The following TTC27 variants were observed in gnomAD, a reference collection of about 807,000 sequenced individuals.
TTC27 encodes the protein tetratricopeptide repeat protein 27.
Under a neutral mutation model 115.9 loss-of-function variants are expected in TTC27, and 79 were observed. The ratio of observed to expected loss-of-function variants is 0.68; its 90% CI spans 0.57 to 0.82. The LOEUF (loss-of-function observed/expected upper bound fraction) is 0.82, where lower values mean the gene tolerates loss of function less well. TTC27 is among the 40% of genes least tolerant of loss of function. TTC27 has a pLI of 0.00. For missense variants in TTC27, 1,054 were observed against 993.1 expected (o/e 1.06, Z -0.82); for synonymous variants, 401 against 356.0 (o/e 1.13, Z -1.42).
intron 4 of TTC27, among the ~76,000 whole-genome samples, chr2:32,649,177 AGGAG>A (rs112493270): frequency 0.012 from 1,805 of 152,304 alleles, 29 homozygotes; most frequent in African/African-American, 0.041. Flanking sequence ...CCACACTAGC[AGGAG>A]AAGACTGTAA....
At chr2:32,803,418 G>A (rs1671025680) in intron 16 of TTC27, among the ~76,000 whole-genome samples, 1 of 152,188 alleles carries the variant, frequency 6.6e-6, no homozygotes, top group Non-Finnish European at 1.5e-5. Flanking sequence ...ATAGTAGGAT[G>A]TGGAAGAAAA....
rs369087820 is a variant in TTC27 at position 32,646,350 on chromosome 2, G to T, written c.538-3781G>T. On this transcript the variant is annotated intron_variant, in intron 4 of 19. Coordinates refer to ENST00000317907, the MANE Select transcript of TTC27 (RefSeq NM_017735.5). ...GCTCAATTTTTTAAGTTTTATTTTT[G>T]TAGAGATGGGATCTCACTGCATTGC... is the stretch of plus-strand genomic sequence containing the variant. 2.3e-3 allele frequency among the ~76,000 whole-genome samples: 355 copies of T among 151,838 alleles called. 1 individual carries two copies. The highest frequency in any genetic ancestry group is 8.2e-3 in the African/African-American group (338 of 41,412).
intron 9 of TTC27, among the ~76,000 whole-genome samples, chr2:32,686,864 A>G (rs1347584303): frequency 6.6e-6 from 1 of 152,040 alleles, no homozygotes; most frequent in Non-Finnish European, 1.5e-5. Flanking sequence ...TGTGTGTGTG[A>G]GATGGAGTCT....
At position 32,678,867 on chromosome 2, in the gene TTC27, A is replaced by G. The variant is rs765071951; in HGVS notation, c.1064A>G (p.Gln355Arg). 1.9e-6 allele frequency: 3 copies of G among 1,610,244 alleles called. No homozygotes were observed. The highest frequency in any genetic ancestry group is 2.5e-6 in the Non-Finnish European group (3 of 1,178,068). ...AIILGICTNFQKNNPVHTLTE... is the reference protein window; with the variant it reads ...AIILGICTNFRKNNPVHTLTE... The stretch of plus-strand genomic sequence containing the variant: ...TTCTTAATTTAAAGCACTAATTTTC[A>G]AAAGAATAACCCAGTGCACACATTA... The change falls in exon 9 of 20, where the codon CAA becomes CGA. Residue 355 changes from glutamine to arginine, a missense_variant. Physicochemically the swap from Gln to Arg is conservative, Grantham distance 43. Transcript: ENST00000317907.
At chr2:32,683,076 C>T (rs1231730106) in intron 9 of TTC27, among the ~76,000 whole-genome samples, 1 of 151,708 alleles carries the variant, frequency 6.6e-6, no homozygotes, top group Non-Finnish European at 1.5e-5. Flanking sequence ...AGGATGGTCT[C>T]GATCTCCTGA....
intron 14 of TTC27, chr2:32,780,055 T>G: frequency 2.2e-6 from 1 of 464,014 alleles, no homozygotes. Flanking sequence ...TGACTATAGG[T>G]CTGTGCATAT....
intron 16 of TTC27, among the ~76,000 whole-genome samples, chr2:32,806,792 A>G (rs1671146607): frequency 6.6e-6 from 1 of 152,116 alleles, no homozygotes; most frequent in Admixed American, 6.5e-5. Context: ...GAAAAAAAAA[A>G]AGTTGATATC....
chr2:32,724,258 C>T (rs1397103393), intron 10 of TTC27, among the ~76,000 whole-genome samples: 1 of 152,076 alleles, frequency 6.6e-6, no homozygotes, highest in Non-Finnish European at 1.5e-5. Context: ...TTGTGGATCC[C>T]TGGGAGTCCT....
At chr2:32,641,282 C>T (rs956616196) in intron 4 of TTC27, among the ~76,000 whole-genome samples, 1 of 152,144 alleles carries the variant, frequency 6.6e-6, no homozygotes, top group Admixed American at 6.6e-5. Context: ...GGTTGTCAGC[C>T]ACGCAGTGTG....
intron 4 of TTC27, among the ~76,000 whole-genome samples, chr2:32,648,745 T>G (rs1664966611): frequency 6.6e-6 from 1 of 152,154 alleles, no homozygotes; most frequent in Non-Finnish European, 1.5e-5. Context: ...GTGCAGTGCC[T>G]CACATCTGTA....
At chr2:32,766,461 G>A (rs1176911663) in intron 13 of TTC27, 1 of 451,210 alleles carries the variant, frequency 2.2e-6, no homozygotes, top group Admixed American at 2.4e-5. Flanking sequence ...ATATTGTTGT[G>A]TCTTAGGGAA....
chr2:32,701,336 A>G (rs967856925), intron 9 of TTC27, among the ~76,000 whole-genome samples: 4 of 152,244 alleles, frequency 2.6e-5, no homozygotes, highest in Admixed American at 2.6e-4. Flanking sequence ...TTTCTTTGGT[A>G]GTATCATCCA....
At chr2:32,660,086 G>T (rs1007033041) in intron 5 of TTC27, among the ~76,000 whole-genome samples, 2 of 152,096 alleles carry the variant, frequency 1.3e-5, no homozygotes, top group African/African-American at 4.8e-5. Context: ...TTGAAGAATC[G>T]CCACACTGTG....
chr2:32,757,364 C>G (rs1459182463), intron 12 of TTC27, among the ~76,000 whole-genome samples: 1 of 152,216 alleles, frequency 6.6e-6, no homozygotes, highest in Non-Finnish European at 1.5e-5. Context: ...GTAAACCTCT[C>G]TTCGGTGCCT....
At chr2:32,672,152 T>C (rs1414162926) in intron 7 of TTC27, 120 bp from the exon 8 acceptor site, 2 of 648,888 alleles carry the variant, frequency 3.1e-6, no homozygotes, top group Non-Finnish European at 5.3e-6. Context: ...AAATAGCCTA[T>C]TGACCATATG....
intron 4 of TTC27, among the ~76,000 whole-genome samples, 193 bp downstream of exon 4, chr2:32,640,603 A>G (rs1005727330): frequency 3.3e-5 from 5 of 152,206 alleles, no homozygotes; most frequent in Admixed American, 2.0e-4. Flanking sequence ...TTAGAATGAG[A>G]TTATGTTGCA....
At chr2:32,806,989 T>C (rs1041249300) in intron 16 of TTC27, among the ~76,000 whole-genome samples, 1 of 152,174 alleles carries the variant, frequency 6.6e-6, no homozygotes, top group Non-Finnish European at 1.5e-5. Flanking sequence ...TAAGAATTTT[T>C]TCTTCGTGAA....
At chr2:32,753,375 A>G (rs993356739) in intron 12 of TTC27, among the ~76,000 whole-genome samples, 1 of 151,684 alleles carries the variant, frequency 6.6e-6, no homozygotes, top group Non-Finnish European at 1.5e-5. Flanking sequence ...ACTGAAAGCC[A>G]ATAGAGAAAA....
At chr2:32,649,371 A>C (rs1018077774) in intron 4 of TTC27, among the ~76,000 whole-genome samples, 1 of 152,144 alleles carries the variant, frequency 6.6e-6, no homozygotes, top group African/African-American at 2.4e-5. Context: ...TTGGAACCTG[A>C]GATGACATAC....
Sources: allele counts gnomAD v4.1 joint callset (sites outside exome capture counted in the v4.1 genomes callset), GRCh38; gene constraint gnomAD v4.1.1; transcripts MANE v1.5; gene names NCBI Gene and HGNC (gene_info 2026-07-23, HGNC 2026-07-21).